The following NRXN1 variants were observed in gnomAD, a reference collection of about 807,000 sequenced individuals.
NRXN1 encodes the protein neurexin-1.
Under a neutral mutation model 150.9 loss-of-function variants are expected in NRXN1, and 39 were observed. The observed-to-expected ratio is 0.26, with a 90% CI of 0.20 to 0.34. The LOEUF (loss-of-function observed/expected upper bound fraction) is 0.34, where lower values mean the gene tolerates loss of function less well. Among genes scored for constraint, NRXN1 ranks in the 10% least tolerant of loss-of-function variants. NRXN1 has a pLI of 1.00. For missense variants in NRXN1, 1,815 were observed against 1,949.9 expected, an observed-to-expected ratio of 0.93 and a Z score of 1.30; for synonymous variants, 924 against 757.0, an observed-to-expected ratio of 1.22 and a Z score of -3.62.
intron 21 of NRXN1, among the ~76,000 whole-genome samples, chr2:50,045,311 T>C (rs1216353404): frequency 6.6e-6 from 1 of 152,338 alleles, no homozygotes; most frequent in South Asian, 2.1e-4. Context: ...ATAGCAAGTA[T>C]GGTTAACACA....
At chr2:50,841,736 T>A (rs1672910561) in intron 5 of NRXN1, among the ~76,000 whole-genome samples, 1 of 152,212 alleles carries the variant, frequency 6.6e-6, no homozygotes, top group African/African-American at 2.4e-5. Context: ...GTAATTTTTG[T>A]AAACCAAAGT....
At chr2:50,396,502 G>T (rs2082059172) in intron 17 of NRXN1, among the ~76,000 whole-genome samples, 1 of 152,116 alleles carries the variant, frequency 6.6e-6, no homozygotes, top group Non-Finnish European at 1.5e-5. Context: ...TTACTAGGTA[G>T]TGAATTTTTT....
Position 49,921,830 on chromosome 2 carries a change from A to T in NRXN1, c.*114T>A. 2 of 1,034,100 alleles carry T rather than the reference A, an allele frequency of 1.9e-6. No homozygotes were observed. The highest frequency in any genetic ancestry group is 2.5e-5 in the East Asian group (1 of 39,556). 64.1% of individuals were successfully genotyped at this position (1,034,100 alleles called of 1,614,324 possible). On this transcript the variant is annotated 3_prime_UTR_variant, in exon 23 of 23. Transcript: ENST00000401669. ...TAAAAAGTCTTTCCTTCCTGATTGCATTCCCTGTCTTCTTTTGTATGTGCT... is the reference window on the plus strand; with the variant it reads ...TAAAAAGTCTTTCCTTCCTGATTGCTTTCCCTGTCTTCTTTTGTATGTGCT...
intron 5 of NRXN1, among the ~76,000 whole-genome samples, chr2:50,831,350 A>C (rs2105888160): frequency 6.6e-6 from 1 of 152,318 alleles, no homozygotes; most frequent in South Asian, 2.1e-4. Flanking sequence ...TGACTAATAT[A>C]CCAGGTCTGA....
At chr2:49,925,668 C>T (rs1435396010) in intron 22 of NRXN1, among the ~76,000 whole-genome samples, 1 of 152,098 alleles carries the variant, frequency 6.6e-6, no homozygotes, top group Non-Finnish European at 1.5e-5. Flanking sequence ...TAAAATAAGA[C>T]ATTTTTAAAA....
chr2:49,933,758 T>C (rs1398877811), intron 22 of NRXN1, among the ~76,000 whole-genome samples: 1 of 152,222 alleles, frequency 6.6e-6, no homozygotes, highest in Non-Finnish European at 1.5e-5. Flanking sequence ...ATCTGATTGT[T>C]TTCTCTACAT....
At chr2:50,555,077 C>T (rs866781399) in intron 8 of NRXN1, among the ~76,000 whole-genome samples, 1 of 152,090 alleles carries the variant, frequency 6.6e-6, no homozygotes, top group Non-Finnish European at 1.5e-5. Context: ...CAAGTTTTAT[C>T]GCTTCTCTCT....
At chr2:50,522,720 A>ATTTTTTTTTTT (rs869200431) in intron 12 of NRXN1, among the ~76,000 whole-genome samples, 1 of 47,762 alleles carries the variant, frequency 2.1e-5, no homozygotes, top group East Asian at 5.1e-4. Flanking sequence ...ATTTTTATTC[A>ATTTTTTTTTTT]TTTTTTTTTT....
intron 19 of NRXN1, among the ~76,000 whole-genome samples, chr2:50,081,234 C>T (rs1697917713): frequency 6.6e-6 from 1 of 152,154 alleles, no homozygotes; most frequent in South Asian, 2.1e-4. Flanking sequence ...TACTCTGCCT[C>T]CTCTTGACGG....
intron 12 of NRXN1, among the ~76,000 whole-genome samples, chr2:50,519,737 T>C (rs2092733219): frequency 6.6e-6 from 1 of 151,948 alleles, no homozygotes; most frequent in Admixed American, 6.6e-5. Flanking sequence ...TATTCAAATC[T>C]GGTTTATTTC....
intron 5 of NRXN1, among the ~76,000 whole-genome samples, chr2:50,903,548 C>G (rs1251023018): frequency 2.6e-5 from 4 of 151,950 alleles, no homozygotes; most frequent in Non-Finnish European, 5.9e-5. Flanking sequence ...TCTCAGTGTA[C>G]CACAATATCA....
At chr2:50,364,284 C>T (rs1164327586) in intron 17 of NRXN1, among the ~76,000 whole-genome samples, 1 of 152,040 alleles carries the variant, frequency 6.6e-6, no homozygotes, top group Non-Finnish European at 1.5e-5. Flanking sequence ...GTTAAAACTA[C>T]ATAGTTTAAT....
At chr2:50,759,279 G>A (rs1259079248) in intron 5 of NRXN1, among the ~76,000 whole-genome samples, 1 of 151,804 alleles carries the variant, frequency 6.6e-6, no homozygotes, top group Non-Finnish European at 1.5e-5. Context: ...AGTGCACTGG[G>A]TACAAAATCC....
intron 13 of NRXN1, among the ~76,000 whole-genome samples, chr2:50,506,049 A>G (rs1382808938): frequency 6.6e-6 from 1 of 152,162 alleles, no homozygotes; most frequent in Non-Finnish European, 1.5e-5. Context: ...TATAGCTTAA[A>G]ATGAAAAAGT....
Position 50,346,934 on chromosome 2 carries a change from G to T in NRXN1, c.3365-109964C>A, listed in dbSNP as rs2078038040. The T allele has an allele frequency of 7.5e-7, 1 of 1,328,254 alleles. No individual in the cohort carries two copies. 82.3% of individuals were successfully genotyped at this position (1,328,254 alleles called of 1,614,324 possible). A position where few individuals can be genotyped will look rare whatever the true frequency, so the allele number is the denominator to read the frequency against. On this transcript the variant is annotated intron_variant, in intron 17 of 22. Coordinates refer to ENST00000401669, the MANE Select transcript of NRXN1 (RefSeq NM_001330078.2). The surrounding 1 kb of genome is among the most constrained non-coding windows in gnomAD (Gnocchi z 5.0). ...GAGCCCAGCTCGGCGCCGCACCGGA[G>T]CATCCTCTGGTACATGGCGGGGCGC...
At chr2:50,671,746 T>C (rs1688883474) in intron 5 of NRXN1, among the ~76,000 whole-genome samples, 1 of 151,846 alleles carries the variant, frequency 6.6e-6, no homozygotes, top group African/African-American at 2.4e-5. Context: ...CAGTAAATTT[T>C]AACCATCAAT....
At chr2:50,932,568 G>C (rs1191696108) in intron 2 of NRXN1, among the ~76,000 whole-genome samples, 1 of 151,930 alleles carries the variant, frequency 6.6e-6, no homozygotes, top group Non-Finnish European at 1.5e-5. Flanking sequence ...AATAGACTCT[G>C]GGGACTCAAG....
At chr2:50,697,925 G>T (rs1471274537) in intron 5 of NRXN1, among the ~76,000 whole-genome samples, 4 of 152,062 alleles carry the variant, frequency 2.6e-5, no homozygotes, top group Non-Finnish European at 5.9e-5. Context: ...TGCACTTCCT[G>T]CTACTCTCAC....
chr2:50,344,945 C>A (rs1230769889), intron 17 of NRXN1, among the ~76,000 whole-genome samples: 5 of 152,230 alleles, frequency 3.3e-5, no homozygotes, highest in Non-Finnish European at 7.3e-5. Context: ...CCCTGGCTTG[C>A]CTCCGTCCCT....
Sources: gnomAD v4.1 joint callset for allele counts (sites outside exome capture counted in the v4.1 genomes callset) on GRCh38, gnomAD v4.1.1 for gene constraint, Gnocchi (gnomAD v3.1) non-coding constraint, MANE v1.5 for transcripts, NCBI Gene and HGNC (gene_info 2026-07-23, HGNC 2026-07-21) for gene names.